SIN3B: variants seen among roughly 807,000 people sequenced by gnomAD.
SIN3B encodes SIN3 transcription regulator family member B, also known as paired amphipathic helix protein Sin3b.
In SIN3B, 19 loss-of-function variants were observed where a neutral mutation model predicts 120.2. The observed-to-expected ratio is 0.16, with a 90% CI of 0.11 to 0.23. The LOEUF is 0.23. Among genes scored for constraint, SIN3B ranks in the 10% least tolerant of loss-of-function variants. SIN3B has a pLI of 1.00. For missense variants in SIN3B, 1,073 were observed against 1,573.0 expected (o/e 0.68, Z 5.38); for synonymous variants, 654 against 653.2 (o/e 1.00, Z -0.02).
chr19:16,869,569 A>G lies in SIN3B; in HGVS notation c.1916A>G (p.Tyr639Cys), dbSNP rs2051477918. 3 of 1,613,842 alleles carry G rather than the reference A, an allele frequency of 1.9e-6. No individual in the cohort carries two copies. The highest frequency in any genetic ancestry group is 2.5e-6 in the Non-Finnish European group (3 of 1,180,024). Reference protein sequence around the residue: ...ILEDAAALISYYVKRQPAIQK... With the variant: ...ILEDAAALISCYVKRQPAIQK... Reference sequence around the variant, plus strand: ...GAGGACGCAGCAGCGCTCATCAGCTACTACGTGAAGCGGCAGCCGGCCATC... The same window carrying G: ...GAGGACGCAGCAGCGCTCATCAGCTGCTACGTGAAGCGGCAGCCGGCCATC... The change falls in exon 13 of 19, where the codon TAC becomes TGC. Residue 639 changes from tyrosine (Y) to cysteine (C), a missense_variant. Coordinates refer to ENST00000248054, the MANE Select transcript of SIN3B (RefSeq NM_001297595.2).
chr19:16,855,369 T>TC (rs1491247135), intron 8 of SIN3B: 15 of 31,762 alleles, frequency 4.7e-4, no homozygotes, highest in Non-Finnish European at 6.5e-4. Context: ...GGGAGAAACC[T>TC]TCCCCCCCCC....
intron 3 of SIN3B, among the ~76,000 whole-genome samples, chr19:16,833,151 C>T (rs1014790906): frequency 2.6e-5 from 4 of 152,104 alleles, no homozygotes; most frequent in African/African-American, 7.2e-5. Context: ...GTCCTTGCCT[C>T]GAGAGTTTTA....
At chr19:16,836,677 C>T (rs1040874640) in intron 3 of SIN3B, among the ~76,000 whole-genome samples, 16 of 152,192 alleles carry the variant, frequency 1.1e-4, no homozygotes, top group Admixed American at 9.8e-4. Context: ...GAATGAGAAA[C>T]TGGATGCTGG....
intron 8 of SIN3B, among the ~76,000 whole-genome samples, chr19:16,861,912 GC>G (rs1419726642): frequency 6.6e-6 from 1 of 152,120 alleles, no homozygotes; most frequent in Non-Finnish European, 1.5e-5. Context: ...TTGAGCCTGG[GC>G]AACAGAGTAA....
rs781358567 is a variant in SIN3B at position 16,851,526 on chromosome 19, C to G, written c.841C>G (p.Pro281Ala). The change falls in exon 6 of 19, where the codon CCC (proline) becomes GCC (alanine). Residue 281 changes from proline to alanine, a missense_variant. Coordinates refer to ENST00000248054, the MANE Select transcript of SIN3B (RefSeq NM_001297595.2). ...CTCGCTCCTCCGCCCCGTGTCTGCA[C>G]CCGCCAAGGTACCTGTGAGCCACAT... ...RPSLLRPVSA[P>A]AKKKMKLRGT... is the part of the protein sequence containing the mutation. The G allele has an allele frequency of 6.3e-7, 1 of 1,599,314 alleles. No homozygotes were observed. Among genetic ancestry groups the G allele is most frequent in the Admixed American group, 1.7e-5 (1 of 58,216 alleles).
In SIN3B at chr19:16,878,995, A is replaced by C. The variant is rs1486943418; in HGVS notation, c.*268A>C. On this transcript the variant is annotated 3_prime_UTR_variant, in exon 19 of 19. Coordinates refer to ENST00000248054, the MANE Select transcript of SIN3B (RefSeq NM_001297595.2). ...TGGACGTGCTGGCCGAGGAACAAGC[A>C]ATCATGTTTGCGTCCCCGTCCGTCA... 4 of 528,382 alleles carry C rather than the reference A, an allele frequency of 7.6e-6. No homozygotes were observed. The highest frequency in any genetic ancestry group is 1.3e-5 in the Non-Finnish European group (4 of 299,510). 32.7% of individuals were successfully genotyped at this position (528,382 alleles called of 1,614,324 possible). A position where few individuals can be genotyped will look rare whatever the true frequency, so the allele number is the denominator to read the frequency against.
Position 16,866,557 on chromosome 19 carries a change from G to A in SIN3B, c.1806+1G>A. 6.2e-7 allele frequency: 1 copy of A among 1,613,492 alleles called. No individual in the cohort carries two copies. Among genetic ancestry groups the A allele is most frequent in the Non-Finnish European group, 8.5e-7 (1 of 1,179,908 alleles). The stretch of plus-strand genomic sequence containing the variant: ...CGAGATCGAGAGCGTCTACGACGAG[G>A]TAAAGCCTTCCCTAGCCCTGCCGGC... On this transcript the variant is annotated splice_donor_variant, in intron 12 of 18. Coordinates refer to ENST00000248054, the MANE Select transcript of SIN3B (RefSeq NM_001297595.2). LOFTEE classifies it high-confidence loss of function.
intron 8 of SIN3B, among the ~76,000 whole-genome samples, chr19:16,858,920 A>T (rs1971651374): frequency 6.6e-6 from 1 of 152,108 alleles, no homozygotes; most frequent in African/African-American, 2.4e-5. Context: ...ACTGCACTCT[A>T]GCCTGGGCAA....
intron 12 of SIN3B, 46 bp from the exon 13 acceptor site, chr19:16,869,414 G>T: frequency 6.5e-7 from 1 of 1,540,646 alleles, no homozygotes; most frequent in East Asian, 2.3e-5. Context: ...GGGGTCCTCT[G>T]GGTGCTGGGT....
At chr19:16,834,878 C>T (rs1440040927) in intron 3 of SIN3B, among the ~76,000 whole-genome samples, 1 of 151,956 alleles carries the variant, frequency 6.6e-6, no homozygotes, top group East Asian at 1.9e-4. Context: ...GGGTTTCCCA[C>T]ACACAGAGGC....
At chr19:16,872,061 T>G (rs1292893700) in intron 14 of SIN3B, among the ~76,000 whole-genome samples, 4 of 152,142 alleles carry the variant, frequency 2.6e-5, no homozygotes, top group Non-Finnish European at 4.4e-5. Flanking sequence ...CACGTAAATA[T>G]AAACAGCAGA....
intron 9 of SIN3B, 41 bp from the exon 10 acceptor site, chr19:16,863,638 TG>T: frequency 7.6e-7 from 1 of 1,308,174 alleles, no homozygotes; most frequent in Non-Finnish European, 1.1e-6. Context: ...TCTTGGCTCC[TG>T]GGGCATGCAG....
chr19:16,876,237 A>C lies in SIN3B; in HGVS notation c.2766+9A>C. On this transcript the variant is annotated intron_variant, in intron 15 of 18. Transcript: ENST00000248054. The surrounding 1 kb of genome is among the most constrained non-coding windows in gnomAD (Gnocchi z 7.1). ...ACGAGAACTGCTTCAAGGTGAGAGG[A>C]GGCCTGGGGCTGGGAACACGCCGGG... is the stretch of plus-strand genomic sequence containing the variant. 6.2e-7 allele frequency: 1 copy of C among 1,604,806 alleles called. No homozygotes were observed. Among genetic ancestry groups the C allele is most frequent in the Admixed American group, 1.7e-5 (1 of 59,658 alleles).
At position 16,864,740 on chromosome 19, in the gene SIN3B, C is replaced by T. The variant is rs560988420; in HGVS notation, c.1384-670C>T. On this transcript the variant is annotated intron_variant, in intron 10 of 18. Transcript: ENST00000248054. ...GCACGATGGCTCACGCCTGTAATCC[C>T]TGCACTTTGGGAGGCTGAGGTGGGA... 7.6e-3 allele frequency among the ~76,000 whole-genome samples: 1,145 copies of T among 151,586 alleles called. 12 individuals are homozygous for T. The highest frequency in any genetic ancestry group is 8.7e-3 in the Non-Finnish European group (589 of 67,918).
At chr19:16,875,516 T>TG (rs1178810485) in intron 14 of SIN3B, among the ~76,000 whole-genome samples, 1 of 142,146 alleles carries the variant, frequency 7.0e-6, no homozygotes, top group Non-Finnish European at 1.5e-5. Flanking sequence ...TGGTCTGGTC[T>TG]GTTTGGTCTG....
At chr19:16,838,500 G>A (rs543679548) in intron 3 of SIN3B, among the ~76,000 whole-genome samples, 3 of 152,206 alleles carry the variant, frequency 2.0e-5, no homozygotes, top group Non-Finnish European at 2.9e-5. Context: ...CATCGGAGCC[G>A]GTATCAGTGC....
At chr19:16,854,599 C>T in intron 8 of SIN3B, 1 of 197,648 alleles carries the variant, frequency 5.1e-6, no homozygotes, top group Non-Finnish European at 1.0e-5. Flanking sequence ...TTTGCACGTT[C>T]TCCCCATGTC....
At chr19:16,870,550 C>T (rs919604295) in intron 13 of SIN3B, among the ~76,000 whole-genome samples, 16 of 150,428 alleles carry the variant, frequency 1.1e-4, no homozygotes, top group African/African-American at 3.2e-4. Context: ...ATGCCTGGCT[C>T]ATTTTTTGTA....
At position 16,879,615 on chromosome 19, in the gene SIN3B, T is replaced by G. The variant is rs1047370607; in HGVS notation, c.*888T>G. On this transcript the variant is annotated 3_prime_UTR_variant, in exon 19 of 19. Coordinates refer to ENST00000248054, the MANE Select transcript of SIN3B (RefSeq NM_001297595.2). The stretch of plus-strand genomic sequence containing the variant: ...GTCCTGCGGCTCCCTGGGGCTGAGA[T>G]CTCCCTTTGTGGAACTCCGAGAGCC... 1 of 152,222 alleles carries G rather than the reference T, an allele frequency of 6.6e-6. No individual in the cohort carries two copies. The highest frequency in any genetic ancestry group is 2.4e-5 in the African/African-American group (1 of 41,398). The allele number at this position is 152,222 out of a possible 1,614,324, so 9.4% of individuals were successfully genotyped here.
Sources: gnomAD v4.1 joint callset for allele counts (sites outside exome capture counted in the v4.1 genomes callset) on GRCh38, gnomAD v4.1.1 for gene constraint, Gnocchi (gnomAD v3.1) non-coding constraint, MANE v1.5 for transcripts, NCBI Gene and HGNC (gene_info 2026-07-23, HGNC 2026-07-21) for gene names.